Variants in TSPAN7 observed in about 807,000 individuals in gnomAD.
The protein encoded by TSPAN7 is tetraspanin 7.
TSPAN7 carries 1 observed loss-of-function variant against 17.6 expected under a neutral mutation model. That is an observed-to-expected ratio of 0.06 (90% confidence interval 0.02 to 0.27). TSPAN7 has a LOEUF of 0.27. Ranked by LOEUF, TSPAN7 falls within the 10% of genes least tolerant of loss-of-function variation. The pLI, the probability that TSPAN7 is intolerant of heterozygous loss-of-function variation, is 1.00. For synonymous variants in TSPAN7, 78 were observed against 79.0 expected (o/e 0.99, Z 0.07); for missense variants, 112 against 201.7 (o/e 0.56, Z 2.69).
intron 1 of TSPAN7, among the ~76,000 whole-genome samples, chrX:38,598,041 T>G (rs1310544632): frequency 3.6e-5 from 4 of 111,553 alleles, no homozygotes; most frequent in Non-Finnish European, 7.6e-5. Flanking sequence ...CCAATGTGTA[T>G]GTTAAGCTCA....
Position 38,601,720 on chromosome X carries a change from C to T in TSPAN7, c.81+40093C>T, listed in dbSNP as rs190455703. Among the ~76,000 whole-genome samples, 13 of 111,835 alleles carry T rather than the reference C, an allele frequency of 1.2e-4. No homozygotes were observed. In the East Asian group the frequency reaches 2.3e-3, roughly 20 times the overall value. On this transcript the variant is annotated intron_variant, in intron 1 of 7. Transcript: ENST00000378482. ...TGTATAAAAATCCATCCCCAAACTTCGCAGCTGAAGACAATAATTTATTTG... is the reference window on the plus strand; with the variant it reads ...TGTATAAAAATCCATCCCCAAACTTTGCAGCTGAAGACAATAATTTATTTG...
At chrX:38,682,242 T>G in intron 6 of TSPAN7, among the ~76,000 whole-genome samples, 1 of 112,318 alleles carries the variant, frequency 8.9e-6, no homozygotes, top group South Asian at 3.7e-4. Flanking sequence ...ACAACTCTAA[T>G]TTCTACATAG....
At chrX:38,646,177 C>A (rs1602111489) in intron 1 of TSPAN7, 9 of 898,425 alleles carry the variant, frequency 1.0e-5, no homozygotes, top group Non-Finnish European at 1.3e-5. Flanking sequence ...CATTAAAACT[C>A]TGGAAAAAGT....
At chrX:38,654,406 G>A (rs1345951751) in intron 1 of TSPAN7, among the ~76,000 whole-genome samples, 2 of 112,188 alleles carry the variant, frequency 1.8e-5, no homozygotes, top group African/African-American at 6.5e-5. Flanking sequence ...TAGTGGTGAT[G>A]GATTAGAAGG....
At chrX:38,614,038 G>A (rs1450158431) in intron 1 of TSPAN7, among the ~76,000 whole-genome samples, 2 of 97,069 alleles carry the variant, frequency 2.1e-5, no homozygotes, top group African/African-American at 7.6e-5. Context: ...CCACTCATCT[G>A]TCTGCTTTGG....
intron 1 of TSPAN7, among the ~76,000 whole-genome samples, chrX:38,577,906 G>A (rs1404327471): frequency 9.1e-6 from 1 of 110,458 alleles, no homozygotes; most frequent in Non-Finnish European, 1.9e-5. Context: ...GCTGGAGTTG[G>A]ACCAGTGAAC....
chrX:38,643,164 G>A (rs751226456), intron 1 of TSPAN7, among the ~76,000 whole-genome samples: 9 of 111,010 alleles, frequency 8.1e-5, no homozygotes, highest in Non-Finnish European at 1.7e-4. Flanking sequence ...GAGTATAAGG[G>A]ATTCAAATCC....
intron 1 of TSPAN7, among the ~76,000 whole-genome samples, chrX:38,660,246 C>T (rs2069736221): frequency 8.9e-6 from 1 of 112,013 alleles, no homozygotes; most frequent in African/African-American, 3.2e-5. Context: ...ATTTTAAAAA[C>T]ACTAAGTATA....
At chrX:38,680,539 T>TTCTCTCTCTCTCTCTC (rs61619425) in intron 5 of TSPAN7, among the ~76,000 whole-genome samples, 6 of 75,605 alleles carry the variant, frequency 7.9e-5, no homozygotes, top group African/African-American at 3.0e-4. Context: ...TACTTACAAA[T>TTCTCTCTCTCTCTCTC]TCTCTCTCTC....
At chrX:38,638,992 G>T (rs2069597799) in intron 1 of TSPAN7, among the ~76,000 whole-genome samples, 1 of 111,313 alleles carries the variant, frequency 9.0e-6, no homozygotes. Context: ...AGTGTACATG[G>T]AGAAATATAT....
chrX:38,592,833 A>G (rs1183552983), intron 1 of TSPAN7, among the ~76,000 whole-genome samples: 1 of 111,163 alleles, frequency 9.0e-6, no homozygotes, highest in African/African-American at 3.3e-5. Context: ...AATAAGAAAA[A>G]ATAATTTTAT....
chrX:38,622,137 T>C (rs1021570780), intron 1 of TSPAN7, among the ~76,000 whole-genome samples: 2 of 112,617 alleles, frequency 1.8e-5, no homozygotes, highest in African/African-American at 6.5e-5. Context: ...ATATTGGTTA[T>C]TGGTCCTGAA....
chrX:38,573,776 G>A (rs2069180853), intron 1 of TSPAN7, among the ~76,000 whole-genome samples: 1 of 111,372 alleles, frequency 9.0e-6, no homozygotes, highest in African/African-American at 3.3e-5. Context: ...GATGCATTTT[G>A]TAGAATGTCC....
chrX:38,674,489 G>A (rs1162663724), intron 4 of TSPAN7, among the ~76,000 whole-genome samples, 173 bp downstream of exon 4: 1 of 111,870 alleles, frequency 8.9e-6, no homozygotes, highest in East Asian at 2.8e-4. Context: ...AGTTATTCAG[G>A]TAATTAATGT....
chrX:38,642,517 T>C (rs2069618914), intron 1 of TSPAN7, among the ~76,000 whole-genome samples: 2 of 112,060 alleles, frequency 1.8e-5, no homozygotes, highest in Non-Finnish European at 3.8e-5. Context: ...AACAGTGGCC[T>C]TTGTAATCTA....
At chrX:38,686,278 G>C (rs1030147928) in intron 6 of TSPAN7, among the ~76,000 whole-genome samples, 1 of 112,251 alleles carries the variant, frequency 8.9e-6, no homozygotes, top group African/African-American at 3.2e-5. Flanking sequence ...GAAAAAGGAA[G>C]ATAAGAGATG....
rs183482748 is a variant in TSPAN7 at position 38,579,031 on chromosome X, T to G, written c.81+17404T>G. Among the ~76,000 whole-genome samples, 643 of 111,772 alleles carry G rather than the reference T, an allele frequency of 5.8e-3. 5 individuals carry two copies. Among genetic ancestry groups the G allele is most frequent in the African/African-American group, 0.02 (620 of 30,758 alleles). ...CACATCAAATGTTAACAGCTGTGGTTGGGTGATAAGACAATTAATATACTA... is the reference window on the plus strand; with the variant it reads ...CACATCAAATGTTAACAGCTGTGGTGGGGTGATAAGACAATTAATATACTA... On this transcript the variant is annotated intron_variant, in intron 1 of 7. Transcript: ENST00000378482.
chrX:38,662,780 A>G (rs187877943), intron 1 of TSPAN7, among the ~76,000 whole-genome samples: 16 of 110,640 alleles, frequency 1.4e-4, no homozygotes, highest in Non-Finnish European at 1.9e-5. Context: ...GACAATAGCA[A>G]TATTGGAGAA....
chrX:38,619,554 A>G (rs2069477523), intron 1 of TSPAN7, among the ~76,000 whole-genome samples: 1 of 111,572 alleles, frequency 9.0e-6, no homozygotes, highest in Non-Finnish European at 1.9e-5. Flanking sequence ...TGATAGTTGT[A>G]TGAAGGGTAG....
Sources: allele counts gnomAD v4.1 joint callset (sites outside exome capture counted in the v4.1 genomes callset), GRCh38; gene constraint gnomAD v4.1.1; transcripts MANE v1.5; gene names NCBI Gene and HGNC (gene_info 2026-07-23, HGNC 2026-07-21).